OSBPL8: variants seen among roughly 807,000 people sequenced by gnomAD.
OSBPL8 encodes oxysterol binding protein like 8, also known as oxysterol-binding protein-related protein 8.
A neutral mutation model predicts 125.5 loss-of-function variants in OSBPL8; 59 were observed. The ratio of observed to expected loss-of-function variants is 0.47; its 90% CI spans 0.38 to 0.58. The LOEUF is 0.58. OSBPL8 is among the 20% of genes least tolerant of loss of function. The probability of loss-of-function intolerance (pLI) is 0.00; values close to 1 mark genes in which losing one functional copy is unlikely to be tolerated. For synonymous variants in OSBPL8, 330 were observed against 338.9 expected, an observed-to-expected ratio of 0.97 and a Z score of 0.29; for missense variants, 758 against 1,047.8, an observed-to-expected ratio of 0.72 and a Z score of 3.82.
Position 76,354,008 on chromosome 12 carries a change from G to C in OSBPL8, c.*1881C>G, listed in dbSNP as rs1951902870. ...GTACAAAATGTTAACAAGGTTTACTGATGAAATGATTTTTGTGATAAGCCA... is the reference window on the plus strand; with the variant it reads ...GTACAAAATGTTAACAAGGTTTACTCATGAAATGATTTTTGTGATAAGCCA... On this transcript the variant is annotated 3_prime_UTR_variant, in exon 24 of 24. Transcript: ENST00000261183. 6.6e-6 allele frequency: 1 copy of C among 152,338 alleles called. No homozygotes were observed. Among genetic ancestry groups the C allele is most frequent in the Non-Finnish European group, 1.5e-5 (1 of 67,816 alleles). The allele number at this position is 152,338 out of a possible 1,614,324, so 9.4% of individuals were successfully genotyped here.
At chr12:76,434,602 T>G (rs1871231103) in intron 4 of OSBPL8, among the ~76,000 whole-genome samples, 1 of 152,132 alleles carries the variant, frequency 6.6e-6, no homozygotes, top group Admixed American at 6.5e-5. Flanking sequence ...ACCATGTATC[T>G]AATATGGGGC....
At chr12:76,435,256 G>C (rs1871315276) in intron 4 of OSBPL8, among the ~76,000 whole-genome samples, 1 of 151,966 alleles carries the variant, frequency 6.6e-6, no homozygotes, top group East Asian at 1.9e-4. Context: ...TGACAACACA[G>C]ACAATGCTGG....
Position 76,476,541 on chromosome 12 carries a change from A to G in OSBPL8, c.42+10969T>C, listed in dbSNP as rs552576044. On this transcript the variant is annotated intron_variant, in intron 2 of 23. Transcript: ENST00000261183. ...TTGAAAAGCAAAATGAATATGATCC[A>G]ATAATAAATTAATGAGCTAGAAGAA... Among the ~76,000 whole-genome samples the G allele has an allele frequency of 2.0e-5, 3 of 152,296 alleles. No homozygotes were observed. The South Asian group carries it at 6.2e-4, about 32-fold the overall frequency.
intron 1 of OSBPL8, among the ~76,000 whole-genome samples, chr12:76,516,250 C>T (rs2137227454): frequency 6.6e-6 from 1 of 152,224 alleles, no homozygotes; most frequent in East Asian, 1.9e-4. Flanking sequence ...CCTCCTTGTG[C>T]CAGAGGAAAG....
At chr12:76,437,254 C>T (rs546278606) in intron 4 of OSBPL8, among the ~76,000 whole-genome samples, 8 of 152,112 alleles carry the variant, frequency 5.3e-5, no homozygotes, top group African/African-American at 1.4e-4. Context: ...TGCTTCCATC[C>T]GTTGTAAATG....
chr12:76,356,590 G>A (rs1951995739), intron 23 of OSBPL8, 36 bp downstream of exon 23: 4 of 1,321,816 alleles, frequency 3.0e-6, no homozygotes. Context: ...CTACTCCTTG[G>A]TCTCAAATGA....
At position 76,356,018 on chromosome 12, in the gene OSBPL8, A is replaced by G. The variant is rs932041429; in HGVS notation, c.2541T>C (p.Asn847=). ...IKQTQEEIKR[N]IMALRNHLVS... ...CTAAATGATTTCGAAGAGCCATAAT[A>G]TTTCTATAAAAATAAGCAACAACAA... Residue 847 remains asparagine (N), a synonymous_variant, in exon 24 of 24, where the codon AAT becomes AAC. Transcript: ENST00000261183. 1.9e-6 allele frequency: 3 copies of G among 1,604,710 alleles called. No individual in the cohort carries two copies. In the African/African-American group the frequency reaches 4.0e-5, roughly 22 times the overall value.
intron 2 of OSBPL8, among the ~76,000 whole-genome samples, chr12:76,480,209 G>T (rs549358952): frequency 6.6e-6 from 1 of 150,900 alleles, no homozygotes; most frequent in South Asian, 2.1e-4. Context: ...AGAGAACTAG[G>T]GAAGTGTAGG....
In OSBPL8 at chr12:76,480,216, T is replaced by C. The variant is rs1034871177; in HGVS notation, c.42+7294A>G. ...AGAATATGAGAGAACTAGGGAAGTG[T>C]AGGCACTGAATAATTATCTGACTAA... On this transcript the variant is annotated intron_variant, in intron 2 of 23. Coordinates refer to ENST00000261183, the MANE Select transcript of OSBPL8 (RefSeq NM_020841.5). Among the ~76,000 whole-genome samples the C allele has an allele frequency of 2.0e-5, 3 of 148,752 alleles. No homozygotes were observed. The East Asian group carries it at 5.9e-4, about 29-fold the overall frequency.
intron 21 of OSBPL8, 108 bp downstream of exon 21, chr12:76,369,106 T>C: frequency 7.0e-7 from 1 of 1,418,642 alleles, no homozygotes; most frequent in Non-Finnish European, 9.3e-7. Context: ...CTGCGTATTT[T>C]GCTCACCCAA....
chr12:76,485,269 T>C (rs1878005967), intron 2 of OSBPL8, among the ~76,000 whole-genome samples: 1 of 151,538 alleles, frequency 6.6e-6, no homozygotes, highest in Non-Finnish European at 1.5e-5. Context: ...ATCAACAAAA[T>C]TTGGAATAGT....
At chr12:76,516,317 TA>T (rs905251626) in intron 1 of OSBPL8, among the ~76,000 whole-genome samples, 10 of 152,194 alleles carry the variant, frequency 6.6e-5, no homozygotes, top group Admixed American at 1.3e-4. Flanking sequence ...TCTGCACACA[TA>T]AACCTTAATA....
At chr12:76,417,244 T>C (rs146798267) in intron 4 of OSBPL8, among the ~76,000 whole-genome samples, 1 of 152,368 alleles carries the variant, frequency 6.6e-6, no homozygotes, top group East Asian at 1.9e-4. Flanking sequence ...CTGTAGCTTC[T>C]ACTGTTTCAG....
intron 1 of OSBPL8, among the ~76,000 whole-genome samples, chr12:76,539,801 C>T (rs537130427): frequency 1.8e-4 from 27 of 152,232 alleles, no homozygotes; most frequent in African/African-American, 6.5e-4. Context: ...TAGCACGATC[C>T]CTCAAAGAAT....
chr12:76,540,870 A>C (rs1281038034), intron 1 of OSBPL8, among the ~76,000 whole-genome samples: 2 of 152,208 alleles, frequency 1.3e-5, no homozygotes, highest in Admixed American at 6.5e-5. Flanking sequence ...CAAAACCTTA[A>C]CATATTAGAA....
intron 1 of OSBPL8, among the ~76,000 whole-genome samples, chr12:76,528,389 G>A (rs1041676637): frequency 6.0e-5 from 9 of 150,132 alleles, no homozygotes; most frequent in African/African-American, 1.5e-4. Flanking sequence ...CATGATTCAC[G>A]AGCCATTTCT....
chr12:76,424,036 T>C (rs1277379448), intron 4 of OSBPL8, among the ~76,000 whole-genome samples: 1 of 152,152 alleles, frequency 6.6e-6, no homozygotes, highest in Non-Finnish European at 1.5e-5. Context: ...GGAGTCTCAC[T>C]GTCGCCCAGG....
At chr12:76,386,028 T>C (rs1159834287) in intron 14 of OSBPL8, 140 bp downstream of exon 14, 20 of 1,210,556 alleles carry the variant, frequency 1.7e-5, no homozygotes, top group Middle Eastern at 2.9e-4. Flanking sequence ...TAGTATTTAA[T>C]ATTAAAAGGT....
chr12:76,416,506 A>G (rs1414153495), intron 4 of OSBPL8, among the ~76,000 whole-genome samples: 2 of 152,124 alleles, frequency 1.3e-5, no homozygotes, highest in South Asian at 2.1e-4. Flanking sequence ...AGAGAAGAAT[A>G]TAAGTACAGA....
Sources: allele counts gnomAD v4.1 joint callset (sites outside exome capture counted in the v4.1 genomes callset), GRCh38; gene constraint gnomAD v4.1.1; transcripts MANE v1.5; gene names NCBI Gene and HGNC (gene_info 2026-07-23, HGNC 2026-07-21).